HELZ: variants seen among roughly 807,000 people sequenced by gnomAD.
The protein encoded by HELZ is ATP-dependent RNA helicase with zinc finger domain.
HELZ carries 23 observed loss-of-function variants against 218.2 expected under a neutral mutation model. The ratio of observed to expected loss-of-function variants is 0.11; its 90% CI spans 0.08 to 0.15. HELZ has a LOEUF of 0.15. HELZ is among the 10% of genes least tolerant of loss of function. The probability of loss-of-function intolerance (pLI) is 1.00; values close to 1 mark genes in which losing one functional copy is unlikely to be tolerated. For missense variants in HELZ, 1,813 were observed against 2,353.7 expected (o/e 0.77, Z 4.75); for synonymous variants, 814 against 829.4 (o/e 0.98, Z 0.32).
intron 7 of HELZ, among the ~76,000 whole-genome samples, 183 bp from the exon 8 acceptor site, chr17:67,195,653 CAT>C (rs970093492): frequency 1.3e-5 from 2 of 151,760 alleles, no homozygotes; most frequent in African/African-American, 4.8e-5. Flanking sequence ...ATATGGAAAA[CAT>C]ATTTGTGAGG....
At position 67,128,849 on chromosome 17, in the gene HELZ, A is replaced by C; in HGVS notation, c.3189T>G (p.Phe1063Leu). 6.2e-7 allele frequency: 1 copy of C among 1,613,030 alleles called. No homozygotes were observed. Among genetic ancestry groups the C allele is most frequent in the Non-Finnish European group, 8.5e-7 (1 of 1,179,050 alleles). The stretch of plus-strand genomic sequence containing the variant: ...GACACAGGGCAATAAACCGTTCCCA[A>C]AATTTCCTACAGAAAAGATTTACAA... ...ALCSIGRCRKFWERFIALCHE... is the reference protein window; with the variant it reads ...ALCSIGRCRKLWERFIALCHE... Residue 1063 changes from phenylalanine to leucine, a missense_variant, in exon 24 of 33, where the codon TTT becomes TTG. This residue lies in a region of HELZ where 156 missense variants were observed against 274.4 expected (regional missense o/e 0.57). Coordinates refer to ENST00000358691, the MANE Select transcript of HELZ (RefSeq NM_014877.4).
intron 18 of HELZ, 139 bp downstream of exon 18, chr17:67,150,907 A>T: frequency 1.5e-6 from 1 of 681,278 alleles, no homozygotes; most frequent in South Asian, 2.0e-5. Flanking sequence ...TAAATAGGTA[A>T]ATAAATGAGC....
At chr17:67,239,891 T>G (rs2041276806) in intron 2 of HELZ, 1 of 152,218 alleles carries the variant, frequency 6.6e-6, no homozygotes, top group South Asian at 2.1e-4. Flanking sequence ...ATTTCTTCCT[T>G]TGTAAAATGG....
chr17:67,226,363 C>G (rs1402345727), intron 3 of HELZ, among the ~76,000 whole-genome samples: 1 of 150,886 alleles, frequency 6.6e-6, no homozygotes. Context: ...CAGATACTCC[C>G]AAACAGGATA....
intron 4 of HELZ, 38 bp from the exon 5 acceptor site, chr17:67,215,973 A>G: frequency 8.3e-7 from 1 of 1,199,624 alleles, no homozygotes; most frequent in Non-Finnish European, 1.2e-6. Context: ...TAAGTATTTC[A>G]AGAGCTGCTT....
chr17:67,093,584 GCTC>G (rs1173118256), intron 31 of HELZ, among the ~76,000 whole-genome samples: 3 of 152,184 alleles, frequency 2.0e-5, no homozygotes, highest in Non-Finnish European at 4.4e-5. Flanking sequence ...TGCCATGGGA[GCTC>G]CTGGTCAGTC....
At chr17:67,162,183 A>ATATAT (rs2039012113) in intron 15 of HELZ, among the ~76,000 whole-genome samples, 1 of 152,198 alleles carries the variant, frequency 6.6e-6, no homozygotes, top group Non-Finnish European at 1.5e-5. Context: ...TGGGAGGCCA[A>ATATAT]GGTAGGAGCG....
intron 32 of HELZ, among the ~76,000 whole-genome samples, chr17:67,083,093 G>A (rs1379554921): frequency 6.6e-6 from 1 of 151,756 alleles, no homozygotes; most frequent in African/African-American, 2.4e-5. Context: ...CTGACCTCAG[G>A]TGATCCACTC....
chr17:67,210,049 C>T (rs1165153064), intron 5 of HELZ, among the ~76,000 whole-genome samples: 1 of 152,296 alleles, frequency 6.6e-6, no homozygotes, highest in Non-Finnish European at 1.5e-5. Flanking sequence ...AAAACCCCAT[C>T]TCTACAAAAA....
intron 3 of HELZ, among the ~76,000 whole-genome samples, chr17:67,238,370 A>AAT: frequency 6.7e-6 from 1 of 149,606 alleles, no homozygotes; most frequent in Non-Finnish European, 1.5e-5. Context: ...AAAAAAAAAA[A>AAT]GGAAGAAAAT....
chr17:67,166,177 C>T (rs982726798), intron 15 of HELZ, among the ~76,000 whole-genome samples: 1 of 152,220 alleles, frequency 6.6e-6, no homozygotes, highest in African/African-American at 2.4e-5. Context: ...CTACTGGAAC[C>T]ACTTTAGAAA....
At chr17:67,172,719 C>T (rs1254013578) in intron 13 of HELZ, among the ~76,000 whole-genome samples, 2 of 152,078 alleles carry the variant, frequency 1.3e-5, no homozygotes, top group African/African-American at 4.8e-5. Flanking sequence ...GCGATCCTCC[C>T]CTCAGCCTCC....
chr17:67,086,938 A>T lies in HELZ; in HGVS notation c.5385T>A (p.Ser1795=), dbSNP rs1267080482. 1.2e-6 allele frequency: 2 copies of T among 1,613,758 alleles called. No individual in the cohort carries two copies. Among genetic ancestry groups the T allele is most frequent in the Non-Finnish European group, 1.7e-6 (2 of 1,180,008 alleles). ...KELQDHSNQS[S]FNFSSPESWV... The stretch of plus-strand genomic sequence containing the variant: ...AGGACTCCGGGGATGAAAAGTTGAA[A>T]GAAGATTGGTTACTGTGGTCCTGAA... The change falls in exon 32 of 33, where the codon TCT becomes TCA. Residue 1795 remains serine (S), a synonymous_variant. Transcript: ENST00000358691.
intron 27 of HELZ, among the ~76,000 whole-genome samples, chr17:67,119,390 A>T (rs1253309379): frequency 1.3e-5 from 2 of 152,194 alleles, no homozygotes; most frequent in East Asian, 3.9e-4. Flanking sequence ...GCTGGACACA[A>T]ATAATTATAG....
rs150295820 is a variant in HELZ at position 67,136,428 on chromosome 17, C to T, written c.2954-230G>A. ...TTAGGCAGAGAACTACCATATGATC[C>T]AGCAATTCCATGCTTACATACATAC... On this transcript the variant is annotated intron_variant, in intron 22 of 32. Coordinates refer to ENST00000358691, the MANE Select transcript of HELZ (RefSeq NM_014877.4). 2.6e-5 allele frequency among the ~76,000 whole-genome samples: 4 copies of T among 152,254 alleles called. No homozygotes were observed. In the East Asian group the frequency reaches 7.7e-4, roughly 29 times the overall value.
rs994203615 is a variant in HELZ, at chr17:67,107,784, T to C, written c.4725-99A>G. ...CATGTATTTTCAACAAACAAAATCATAGTACTAATAACTAGAACTGGCATT... is the reference window on the plus strand; with the variant it reads ...CATGTATTTTCAACAAACAAAATCACAGTACTAATAACTAGAACTGGCATT... On this transcript the variant is annotated intron_variant, in intron 30 of 32. Transcript: ENST00000358691. The C allele has an allele frequency of 2.0e-5, 20 of 1,022,296 alleles. No homozygotes were observed. In the South Asian group the frequency reaches 2.8e-4, roughly 14 times the overall value. The allele number at this position is 1,022,296 out of a possible 1,614,324, so 63.3% of individuals were successfully genotyped here.
At chr17:67,154,166 G>A (rs530137269) in intron 17 of HELZ, among the ~76,000 whole-genome samples, 2 of 152,312 alleles carry the variant, frequency 1.3e-5, no homozygotes, top group African/African-American at 2.4e-5. Context: ...GATGGCTCAC[G>A]CCTATAATCC....
intron 18 of HELZ, 69 bp downstream of exon 18, chr17:67,150,972 GTAGTT>G (rs1001175806): frequency 1.5e-6 from 2 of 1,308,470 alleles, no homozygotes; most frequent in African/African-American, 2.9e-5. Flanking sequence ...CCCACACACT[GTAGTT>G]TGCCAATCCC....
intron 17 of HELZ, among the ~76,000 whole-genome samples, chr17:67,152,955 G>C (rs1271498664): frequency 6.6e-6 from 1 of 152,072 alleles, no homozygotes; most frequent in Non-Finnish European, 1.5e-5. Context: ...GTTAAATGCT[G>C]CTAAGAGGCT....
Sources: allele counts gnomAD v4.1 joint callset (sites outside exome capture counted in the v4.1 genomes callset), GRCh38; gene constraint gnomAD v4.1.1; regional missense constraint gnomAD v4.1.1; transcripts MANE v1.5; gene names NCBI Gene and HGNC (gene_info 2026-07-23, HGNC 2026-07-21).